Variants in RBBP9 observed in about 807,000 individuals in gnomAD.
RBBP9 encodes RB binding protein 9, serine hydrolase.
Under a neutral mutation model 24.2 loss-of-function variants are expected in RBBP9, and 20 were observed. The ratio of observed to expected loss-of-function variants is 0.83; its 90% CI spans 0.58 to 1.20. RBBP9 has a LOEUF of 1.20. RBBP9 is among the 50% of genes most tolerant of loss of function. The probability of loss-of-function intolerance (pLI) is 0.00; values close to 1 mark genes in which losing one functional copy is unlikely to be tolerated. For synonymous variants in RBBP9, 74 were observed against 84.6 expected (o/e 0.87, Z 0.69); for missense variants, 234 against 233.6 (o/e 1.00, Z -0.01).
intron 3 of RBBP9, among the ~76,000 whole-genome samples, chr20:18,492,773 G>A (rs774385084): frequency 3.3e-5 from 5 of 152,218 alleles, no homozygotes; most frequent in African/African-American, 1.2e-4. Context: ...TTCTTAGAAG[G>A]TTGCTAAGAA....
At chr20:18,491,711 A>G (rs1052017045) in intron 3 of RBBP9, among the ~76,000 whole-genome samples, 2 of 152,228 alleles carry the variant, frequency 1.3e-5, no homozygotes, top group African/African-American at 2.4e-5. Context: ...CCTTTGTGCC[A>G]AGAAAGAGTT....
intron 3 of RBBP9, among the ~76,000 whole-genome samples, chr20:18,492,926 A>G (rs903795446): frequency 6.6e-5 from 10 of 152,234 alleles, no homozygotes; most frequent in Non-Finnish European, 1.3e-4. Context: ...CTGGCAGCAT[A>G]TAACATTCTT....
chr20:18,493,930 G>T, intron 3 of RBBP9, 28 bp downstream of exon 3: 2 of 1,536,286 alleles, frequency 1.3e-6, no homozygotes, highest in Non-Finnish European at 1.8e-6. Context: ...AGCCCACAAA[G>T]GGGATAGCAG....
chr20:18,494,126 C>A, intron 2 of RBBP9, 63 bp from the exon 3 acceptor site: 3 of 1,305,300 alleles, frequency 2.3e-6, no homozygotes, highest in Non-Finnish European at 3.3e-6. Context: ...TCCAACGCTG[C>A]CCCACCTTTC....
intron 3 of RBBP9, among the ~76,000 whole-genome samples, chr20:18,491,039 T>C (rs1281265987): frequency 6.6e-6 from 1 of 152,196 alleles, no homozygotes; most frequent in Admixed American, 6.5e-5. Flanking sequence ...ACAAAAAATG[T>C]GTAATCCATC....
chr20:18,492,558 C>A (rs2059870213), intron 3 of RBBP9, among the ~76,000 whole-genome samples: 2 of 152,140 alleles, frequency 1.3e-5, no homozygotes, highest in Admixed American at 6.5e-5. Context: ...TGATGCCAGT[C>A]TATTATTGGT....
Position 18,489,137 on chromosome 20 carries a change from TCAAA to T in RBBP9, c.*623_*626del, listed in dbSNP as rs1255762279. On this transcript the variant is annotated 3_prime_UTR_variant, in exon 5 of 5. Transcript: ENST00000337227. The stretch of plus-strand genomic sequence containing the variant: ...TGGCTCTGATCCCACCACTCTTGTC[TCAAA>T]CAAATCTAGTCAGTTGTACGTATAT... The T allele has an allele frequency of 6.6e-6, 1 of 152,166 alleles. No individual in the cohort carries two copies. The highest frequency in any genetic ancestry group is 1.5e-5 in the Non-Finnish European group (1 of 68,034). 9.4% of individuals were successfully genotyped at this position (152,166 alleles called of 1,614,324 possible). A position where few individuals can be genotyped will look rare whatever the true frequency, so the allele number is the denominator to read the frequency against.
At chr20:18,491,824 C>T (rs952187343) in intron 3 of RBBP9, among the ~76,000 whole-genome samples, 10 of 151,476 alleles carry the variant, frequency 6.6e-5, no homozygotes, top group Non-Finnish European at 1.2e-4. Flanking sequence ...AGGCCGGGCA[C>T]GGTGGCTCAC....
In RBBP9 at chr20:18,489,557, C is replaced by T; in HGVS notation, c.*207G>A. The T allele has an allele frequency of 4.0e-6, 2 of 496,930 alleles. No individual in the cohort carries two copies. Among genetic ancestry groups the T allele is most frequent in the South Asian group, 3.3e-5 (1 of 30,062 alleles). The allele number at this position is 496,930 out of a possible 1,614,324, so 30.8% of individuals were successfully genotyped here. A position where few individuals can be genotyped will look rare whatever the true frequency, so the allele number is the denominator to read the frequency against. On this transcript the variant is annotated 3_prime_UTR_variant, in exon 5 of 5. Coordinates refer to ENST00000337227, the MANE Select transcript of RBBP9 (RefSeq NM_006606.3). The stretch of plus-strand genomic sequence containing the variant: ...TGTTTCTTATCAAATGAGGAAAATA[C>T]TGTGGTAGTTCATAGCAATTTGGGG...
At chr20:18,494,282 C>T (rs202145239) in intron 2 of RBBP9, among the ~76,000 whole-genome samples, 17 of 122,094 alleles carry the variant, frequency 1.4e-4, no homozygotes, top group African/African-American at 2.9e-4. Context: ...TTTCTTTTCT[C>T]TTTTTTTTTT....
At chr20:18,495,726 G>T (rs1463218895) in intron 2 of RBBP9, 112 bp downstream of exon 2, 2 of 980,030 alleles carry the variant, frequency 2.0e-6, no homozygotes, top group Non-Finnish European at 3.2e-6. Flanking sequence ...TCTTTCTTAG[G>T]TATATAGGCA....
rs1256763860 is a variant in RBBP9, at chr20:18,489,805, G to C, written c.520C>G (p.Leu174Val). 6.2e-7 allele frequency: 1 copy of C among 1,613,858 alleles called. No individual in the cohort carries two copies. The highest frequency in any genetic ancestry group is 2.2e-5 in the East Asian group (1 of 44,870). ...AGCAAAGACTTTACAACAGTAATCA[G>C]TTCATGAAACTCTGTGTTCTGAAAG... ...GHFQNTEFHELITVVKSLLKV... is the reference protein window; with the variant it reads ...GHFQNTEFHEVITVVKSLLKV... Residue 174 changes from leucine (L) to valine (V), a missense_variant, in exon 5 of 5, where the codon CTG becomes GTG. By Grantham distance (32) the Leu-to-Val change is conservative. Coordinates refer to ENST00000337227, the MANE Select transcript of RBBP9 (RefSeq NM_006606.3).
intron 2 of RBBP9, among the ~76,000 whole-genome samples, chr20:18,494,815 G>A (rs1180752843): frequency 6.6e-6 from 1 of 152,102 alleles, no homozygotes; most frequent in Non-Finnish European, 1.5e-5. Context: ...TAAACATTAG[G>A]ACCTCAAATA....
At position 18,496,962 on chromosome 20, in the gene RBBP9, G is replaced by T; in HGVS notation, c.99+107C>A. On this transcript the variant is annotated intron_variant, in intron 1 of 4. Coordinates refer to ENST00000337227, the MANE Select transcript of RBBP9 (RefSeq NM_006606.3). ...GGGGAGAGGCAGGAAAACACACAGGGCTTTGCTAGAGGGGATTAGACGCCT... is the reference window on the plus strand; with the variant it reads ...GGGGAGAGGCAGGAAAACACACAGGTCTTTGCTAGAGGGGATTAGACGCCT... 6 of 865,860 alleles carry T rather than the reference G, an allele frequency of 6.9e-6. No homozygotes were observed. In the South Asian group the frequency reaches 7.7e-5, roughly 11 times the overall value. The allele number at this position is 865,860 out of a possible 1,614,324, so 53.6% of individuals were successfully genotyped here.
rs752299515 is a variant in RBBP9 at position 18,487,937 on chromosome 20, C to G, written c.*1827G>C. The stretch of plus-strand genomic sequence containing the variant: ...CTGACCTCCAGCCTGGGAGACAGAG[C>G]AAGACACTGTCTCAAAAATAATAAT... On this transcript the variant is annotated 3_prime_UTR_variant, in exon 5 of 5. Transcript: ENST00000337227. The G allele has an allele frequency of 1.3e-5, 2 of 152,112 alleles. No homozygotes were observed. Among genetic ancestry groups the G allele is most frequent in the Admixed American group, 6.6e-5 (1 of 15,260 alleles). The allele number at this position is 152,112 out of a possible 1,614,324, so 9.4% of individuals were successfully genotyped here. A position where few individuals can be genotyped will look rare whatever the true frequency, so the allele number is the denominator to read the frequency against.
chr20:18,486,691 C>A lies in RBBP9; in HGVS notation c.*3073G>T, dbSNP rs1318359726. On this transcript the variant is annotated 3_prime_UTR_variant, in exon 5 of 5. Transcript: ENST00000337227. The stretch of plus-strand genomic sequence containing the variant: ...AAACAGATTGTGGGGCTCTAGACTC[C>A]GGACAGCACCAAAAATTCAAGTTGC... The A allele has an allele frequency of 1.3e-5, 2 of 152,102 alleles. No individual in the cohort carries two copies. The highest frequency in any genetic ancestry group is 2.9e-5 in the Non-Finnish European group (2 of 68,030). The allele number at this position is 152,102 out of a possible 1,614,324, so 9.4% of individuals were successfully genotyped here.
rs184820207 is a variant in RBBP9, at chr20:18,490,672, A to G, written c.249-192T>C. On this transcript the variant is annotated intron_variant, in intron 3 of 4. Coordinates refer to ENST00000337227, the MANE Select transcript of RBBP9 (RefSeq NM_006606.3). ...AACCCTGGCTACTGGATGAGCTTCT[A>G]CTCATTTTTCTTTTTTTTTTTTTTT... 5.4e-5 allele frequency among the ~76,000 whole-genome samples: 8 copies of G among 149,440 alleles called. No individual in the cohort carries two copies. The East Asian group carries it at 1.6e-3, about 29-fold the overall frequency.
At chr20:18,493,889 C>T (rs748993909) in intron 3 of RBBP9, 69 bp downstream of exon 3, 14 of 1,206,410 alleles carry the variant, frequency 1.2e-5, no homozygotes, top group East Asian at 2.4e-5. Context: ...TTAAGATATA[C>T]GCAAGGTATT....
At chr20:18,495,005 A>G (rs2148874710) in intron 2 of RBBP9, among the ~76,000 whole-genome samples, 1 of 152,154 alleles carries the variant, frequency 6.6e-6, no homozygotes, top group East Asian at 1.9e-4. Flanking sequence ...CCCATCCGGG[A>G]GGTGAGGGGC....
Sources: gnomAD v4.1 joint callset for allele counts (sites outside exome capture counted in the v4.1 genomes callset) on GRCh38, gnomAD v4.1.1 for gene constraint, MANE v1.5 for transcripts, NCBI Gene and HGNC (gene_info 2026-07-23, HGNC 2026-07-21) for gene names.